MYO9B: variants seen among roughly 807,000 people sequenced by gnomAD.
The protein encoded by MYO9B is unconventional myosin-IXb.
Under a neutral mutation model 229.5 loss-of-function variants are expected in MYO9B, and 71 were observed. That is an observed-to-expected ratio of 0.31 (90% CI 0.26 to 0.38). The LOEUF is 0.38. Ranked by LOEUF, MYO9B falls within the 10% of genes least tolerant of loss-of-function variation. The probability of loss-of-function intolerance (pLI) is 1.00; values close to 1 mark genes in which losing one functional copy is unlikely to be tolerated. For missense variants in MYO9B, 2,255 were observed against 2,920.5 expected (o/e 0.77, Z 5.25); for synonymous variants, 1,185 against 1,235.8 (o/e 0.96, Z 0.86).
chr19:17,197,169 C>T (rs1187658426), intron 22 of MYO9B, among the ~76,000 whole-genome samples: 6 of 151,428 alleles, frequency 4.0e-5, no homozygotes, highest in South Asian at 2.1e-4. Context: ...CCCAGCTACT[C>T]GGGAGGCTGA....
At chr19:17,109,035 TA>T (rs1474899005) in intron 2 of MYO9B, among the ~76,000 whole-genome samples, 13 of 20,876 alleles carry the variant, frequency 6.2e-4, no homozygotes, top group Non-Finnish European at 1.1e-3. Context: ...TTTTTAATTT[TA>T]TTTATTTATT....
At chr19:17,113,453 G>A (rs1599336063) in intron 2 of MYO9B, among the ~76,000 whole-genome samples, 2 of 152,340 alleles carry the variant, frequency 1.3e-5, no homozygotes, top group African/African-American at 4.8e-5. Flanking sequence ...TGCTCGCCCT[G>A]CGAGCGGTCA....
At chr19:17,133,395 T>G (rs1021484093) in intron 2 of MYO9B, among the ~76,000 whole-genome samples, 1 of 152,136 alleles carries the variant, frequency 6.6e-6, no homozygotes, top group African/African-American at 2.4e-5. Flanking sequence ...TAATTGAAAT[T>G]TATATCCTTT....
Position 17,211,993 on chromosome 19 carries a change from A to G in MYO9B, c.6157A>G (p.Thr2053Ala). ...ACGACGAAGGCCGTCGTCCTTCGTA[A>G]CGGTCAGAGTGAAGACCCCCCGGCG... ...PPRRRPSSFV[T>A]VRVKTPRRTP... is the part of the protein sequence containing the mutation. The change falls in exon 40 of 40, where the codon ACG becomes GCG. Residue 2053 changes from threonine to alanine, a missense_variant. Physicochemically the swap from Thr to Ala is moderately conservative, Grantham distance 58. Transcript: ENST00000682292. 1 of 1,605,210 alleles carries G rather than the reference A, an allele frequency of 6.2e-7. No individual in the cohort carries two copies. Among genetic ancestry groups the G allele is most frequent in the Middle Eastern group, 1.7e-4 (1 of 5,960 alleles).
At chr19:17,191,885 A>G (rs1212337452) in intron 20 of MYO9B, among the ~76,000 whole-genome samples, 1 of 152,238 alleles carries the variant, frequency 6.6e-6, no homozygotes, top group East Asian at 1.9e-4. Flanking sequence ...CTGAGGCAGG[A>G]GTTTGAGACT....
intron 2 of MYO9B, among the ~76,000 whole-genome samples, chr19:17,144,459 T>C (rs1314628701): frequency 6.7e-6 from 1 of 150,098 alleles, no homozygotes; most frequent in Non-Finnish European, 1.5e-5. Context: ...TAGCCAGGCG[T>C]GGTGGTGCAT....
At chr19:17,182,412 C>CT (rs938593776) in intron 15 of MYO9B, among the ~76,000 whole-genome samples, 197 of 148,596 alleles carry the variant, frequency 1.3e-3, no homozygotes, top group African/African-American at 4.1e-3. Context: ...ACTTCTGTTC[C>CT]TTTTTTTTTT....
chr19:17,200,273 C>T lies in MYO9B; in HGVS notation c.4239-20C>T, dbSNP rs769964791. Reference sequence around the variant, plus strand: ...ATTTTCATTTCAGACTTAAAAGAAGCCACGTACTTTCTCCTGCAGATCCAC... The same window carrying T: ...ATTTTCATTTCAGACTTAAAAGAAGTCACGTACTTTCTCCTGCAGATCCAC... On this transcript the variant is annotated intron_variant, in intron 24 of 39. Transcript: ENST00000682292. The T allele has an allele frequency of 3.1e-6, 5 of 1,599,714 alleles. No homozygotes were observed. In the East Asian group the frequency reaches 8.9e-5, roughly 29 times the overall value.
rs2145129090 is a variant in MYO9B, at chr19:17,121,771, A to C, written c.840+19214A>C. On this transcript the variant is annotated intron_variant, in intron 2 of 39. Transcript: ENST00000682292. ...GAGGCTGAGGCGGTTGGATTGCTTGAGGTCAGGAGTTTGAGACCAGCCTGG... is the reference window on the plus strand; with the variant it reads ...GAGGCTGAGGCGGTTGGATTGCTTGCGGTCAGGAGTTTGAGACCAGCCTGG... Among the ~76,000 whole-genome samples, 3 of 152,280 alleles carry C rather than the reference A, an allele frequency of 2.0e-5. No homozygotes were observed. The South Asian group carries it at 6.2e-4, about 32-fold the overall frequency.
intron 4 of MYO9B, 107 bp from the exon 5 acceptor site, chr19:17,153,860 G>T: frequency 2.5e-6 from 2 of 786,534 alleles, no homozygotes; most frequent in South Asian, 1.5e-5. Flanking sequence ...TTTTAAATTT[G>T]TACATATTTG....
rs1358514633 is a variant in MYO9B, at chr19:17,175,720, C to T, written c.2198C>T (p.Thr733Ile). The T allele has an allele frequency of 1.3e-6, 2 of 1,575,328 alleles. No homozygotes were observed. The highest frequency in any genetic ancestry group is 1.7e-6 in the Non-Finnish European group (2 of 1,160,542). Residue 733 changes from threonine (T) to isoleucine (I), a missense_variant, in exon 14 of 40, where the codon ACC (threonine) becomes ATC (isoleucine). Thr to Ile is a moderately conservative substitution (Grantham distance 89). Coordinates refer to ENST00000682292, the MANE Select transcript of MYO9B (RefSeq NM_004145.4). ...HPEELPRGASTPSEKLYRDLH... is the reference protein window; with the variant it reads ...HPEELPRGASIPSEKLYRDLH... ...GAAGAGCTGCCAAGAGGAGCCAGCA[C>T]CCCTTCGGAAAAACTTTACCGGTGA... is the stretch of plus-strand genomic sequence containing the variant.
chr19:17,200,514 G>A, intron 25 of MYO9B, 88 bp downstream of exon 25: 2 of 1,513,332 alleles, frequency 1.3e-6, no homozygotes, highest in South Asian at 1.3e-5. Flanking sequence ...CCTTGAGTTG[G>A]CTGTGGGCCA....
At chr19:17,152,365 T>G (rs2072487315) in intron 3 of MYO9B, among the ~76,000 whole-genome samples, 1 of 152,134 alleles carries the variant, frequency 6.6e-6, no homozygotes, top group African/African-American at 2.4e-5. Flanking sequence ...GAGATCAGCC[T>G]AGCCAACATG....
At chr19:17,164,958 A>C (rs538698008) in intron 10 of MYO9B, among the ~76,000 whole-genome samples, 1 of 152,224 alleles carries the variant, frequency 6.6e-6, no homozygotes, top group Non-Finnish European at 1.5e-5. Context: ...TCAAACGCTG[A>C]GGTTTAGGCG....
intron 2 of MYO9B, among the ~76,000 whole-genome samples, chr19:17,134,382 T>G (rs12982138): frequency 3.8e-3 from 82 of 21,816 alleles, no homozygotes; most frequent in Non-Finnish European, 5.0e-3. Flanking sequence ...GTTTTGTTTG[T>G]TTTTTTTTTT....
intron 35 of MYO9B, chr19:17,207,629 A>G (rs1485732032): frequency 6.6e-6 from 1 of 151,574 alleles, no homozygotes; most frequent in African/African-American, 2.4e-5. Context: ...TAATCCCAGC[A>G]CTTTGGGAGG....
intron 1 of MYO9B, among the ~76,000 whole-genome samples, chr19:17,090,694 A>G (rs758509281): frequency 1.7e-4 from 26 of 151,970 alleles, no homozygotes; most frequent in Non-Finnish European, 3.4e-4. Flanking sequence ...TGTGCGTGGG[A>G]TGGTCATGAG....
rs1365184724 is a variant in MYO9B, at chr19:17,211,661, A to C, written c.5945A>C (p.Tyr1982Ser). ...TTTTCCTCCAGGGAGGACATCACCT[A>C]CCGGCTGCCGGAGCTGGACCCAAGG... Reference protein sequence around the residue: ...SIKEEKEDITYRLPELDPRGS... With the variant: ...SIKEEKEDITSRLPELDPRGS... The change falls in exon 39 of 40, where the codon TAC becomes TCC. Residue 1982 changes from tyrosine to serine, a missense_variant. Coordinates refer to ENST00000682292, the MANE Select transcript of MYO9B (RefSeq NM_004145.4). 2 of 1,605,362 alleles carry C rather than the reference A, an allele frequency of 1.2e-6. No individual in the cohort carries two copies. The highest frequency in any genetic ancestry group is 2.7e-5 in the African/African-American group (2 of 74,198).
intron 2 of MYO9B, among the ~76,000 whole-genome samples, chr19:17,110,977 C>G (rs1030114571): frequency 3.3e-5 from 5 of 152,144 alleles, no homozygotes. Context: ...CTCCCCCAGC[C>G]CCTCTGCCAT....
Sources: allele counts gnomAD v4.1 joint callset (sites outside exome capture counted in the v4.1 genomes callset), GRCh38; gene constraint gnomAD v4.1.1; transcripts MANE v1.5; gene names NCBI Gene and HGNC (gene_info 2026-07-23, HGNC 2026-07-21).